LRRC23: variants seen among roughly 807,000 people sequenced by gnomAD.
LRRC23 encodes the protein leucine-rich repeat-containing protein 23.
A neutral mutation model predicts 37.7 loss-of-function variants in LRRC23; 28 were observed. The ratio of observed to expected loss-of-function variants is 0.74; its 90% confidence interval spans 0.55 to 1.02. The LOEUF (loss-of-function observed/expected upper bound fraction) is 1.02. LRRC23 is among the 50% of genes least tolerant of loss of function. LRRC23 has a pLI of 0.00. For missense variants in LRRC23, 377 were observed against 413.2 expected (o/e 0.91, Z 0.76); for synonymous variants, 161 against 165.4 (o/e 0.97, Z 0.20).
chr12:6,912,406 A>G (rs1488249044), intron 6 of LRRC23, among the ~76,000 whole-genome samples: 3 of 152,102 alleles, frequency 2.0e-5, no homozygotes, highest in Non-Finnish European at 4.4e-5. Context: ...TGATCACAGA[A>G]AATGTCTCTC....
chr12:6,914,102 G>A lies in LRRC23; in HGVS notation c.*236G>A, dbSNP rs1945258970. On this transcript the variant is annotated 3_prime_UTR_variant, in exon 8 of 8. Coordinates refer to ENST00000443597, the MANE Select transcript of LRRC23 (RefSeq NM_001135217.2). The surrounding 1 kb of genome is among the most constrained non-coding windows in gnomAD (Gnocchi z 7.1). ...AGCGTTGCCTGGAGCCTAGGCCGGGGGCCGCCCTCGGGCAGGCGTGGGTGA... is the reference window on the plus strand; with the variant it reads ...AGCGTTGCCTGGAGCCTAGGCCGGGAGCCGCCCTCGGGCAGGCGTGGGTGA... The A allele has an allele frequency of 5.3e-6, 8 of 1,515,630 alleles. No individual in the cohort carries two copies. The highest frequency in any genetic ancestry group is 1.3e-5 in the South Asian group (1 of 75,020). 93.9% of individuals were successfully genotyped at this position (1,515,630 alleles called of 1,614,324 possible).
At chr12:6,909,078 A>AATTTT (rs1565553339) in intron 5 of LRRC23, among the ~76,000 whole-genome samples, 4 of 43,358 alleles carry the variant, frequency 9.2e-5, no homozygotes, top group Admixed American at 4.0e-4. Flanking sequence ...TATATTATAT[A>AATTTT]TTATATAATT....
chr12:6,913,562 T>G lies in LRRC23; in HGVS notation c.*25-329T>G, dbSNP rs1427330527. Among the ~76,000 whole-genome samples, 4 of 111,242 alleles carry G rather than the reference T, an allele frequency of 3.6e-5. 1 individual carries two copies. The highest frequency in any genetic ancestry group is 3.1e-4 in the South Asian group (1 of 3,258). 73.0% of individuals were successfully genotyped at this position (111,242 alleles called of 152,430 possible). A position where few individuals can be genotyped will look rare whatever the true frequency, so the allele number is the denominator to read the frequency against. On this transcript the variant is annotated intron_variant, in intron 7 of 7. Transcript: ENST00000443597. ...CTTTATTTACCTCTGTTTGTTTTTT[T>G]TTTTTTTTTTTTTTTTTTTTTGCGA...
chr12:6,906,332 C>T (rs1944946865), intron 3 of LRRC23, 77 bp from the exon 4 acceptor site: 1 of 1,429,550 alleles, frequency 7.0e-7, no homozygotes. Context: ...ATATTGCCTT[C>T]TGCTTTAGCA....
At chr12:6,908,387 C>T (rs979241544) in intron 5 of LRRC23, among the ~76,000 whole-genome samples, 3 of 151,396 alleles carry the variant, frequency 2.0e-5, no homozygotes, top group Admixed American at 2.0e-4. Context: ...ACCTGAGGTC[C>T]GGAGTTCGAA....
At position 6,909,143 on chromosome 12, in the gene LRRC23, T is replaced by A. The variant is rs1353376550; in HGVS notation, c.622-747T>A. ...TAATATATAATATATAATTATATATTATATATTATATATTATATATAAAAT... is the reference window on the plus strand; with the variant it reads ...TAATATATAATATATAATTATATATAATATATTATATATTATATATAAAAT... On this transcript the variant is annotated intron_variant, in intron 5 of 7. Coordinates refer to ENST00000443597, the MANE Select transcript of LRRC23 (RefSeq NM_001135217.2). Among the ~76,000 whole-genome samples the A allele has an allele frequency of 5.6e-4, 8 of 14,404 alleles. 1 individual carries two copies. The highest frequency in any genetic ancestry group is 1.6e-3 in the Admixed American group (1 of 644). 9.4% of individuals were successfully genotyped at this position (14,404 alleles called of 152,430 possible). A position where few individuals can be genotyped will look rare whatever the true frequency, so the allele number is the denominator to read the frequency against.
At chr12:6,905,130 A>C (rs1344787969) in intron 1 of LRRC23, 55 bp downstream of exon 1, 1 of 161,884 alleles carries the variant, frequency 6.2e-6, no homozygotes, top group Non-Finnish European at 1.4e-5. Context: ...ACTGCGCTTT[A>C]GGCTGGTGTA....
chr12:6,913,980 C>T lies in LRRC23; in HGVS notation c.*114C>T, dbSNP rs1555141210. The T allele has an allele frequency of 1.2e-6, 2 of 1,613,766 alleles. No homozygotes were observed. The highest frequency in any genetic ancestry group is 2.7e-5 in the African/African-American group (2 of 74,970). On this transcript the variant is annotated 3_prime_UTR_variant, in exon 8 of 8. Coordinates refer to ENST00000443597, the MANE Select transcript of LRRC23 (RefSeq NM_001135217.2). ...AGAGAACAGAGGATGCCTGTTTTTGCCCCAAAGCTGGAAATTCATCACAAC... is the reference window on the plus strand; with the variant it reads ...AGAGAACAGAGGATGCCTGTTTTTGTCCCAAAGCTGGAAATTCATCACAAC...
Position 6,905,382 on chromosome 12 carries a change from G to T in LRRC23, c.-49-203G>T, listed in dbSNP as rs782104076. 5.1e-4 allele frequency: 193 copies of T among 382,020 alleles called. 3 individuals are homozygous for T. Among genetic ancestry groups the T allele is most frequent in the South Asian group, 3.4e-3 (148 of 43,540 alleles). The allele number at this position is 382,020 out of a possible 1,614,324, so 23.7% of individuals were successfully genotyped here. A position where few individuals can be genotyped will look rare whatever the true frequency, so the allele number is the denominator to read the frequency against. On this transcript the variant is annotated intron_variant, in intron 1 of 7. Coordinates refer to ENST00000443597, the MANE Select transcript of LRRC23 (RefSeq NM_001135217.2). Reference sequence around the variant, plus strand: ...TGTGAAGGACAGGAAAGGCCTGGGGGTGTGGGTGACATCCTGAAGGGAGGG... The same window carrying T: ...TGTGAAGGACAGGAAAGGCCTGGGGTTGTGGGTGACATCCTGAAGGGAGGG...
rs1555139373 is a variant in LRRC23, at chr12:6,905,718, G to T, written c.85G>T (p.Gly29Trp). The change falls in exon 2 of 8, where the codon GGG becomes TGG. Residue 29 changes from glycine (G) to tryptophan (W), a missense_variant. This residue lies in a region of LRRC23 where 106 missense variants were observed against 105.9 expected (regional missense o/e 1.00). Coordinates refer to ENST00000443597, the MANE Select transcript of LRRC23 (RefSeq NM_001135217.2). ...AGAGGACGAGAAGGAGACAGAGGAG[G>T]GGGAGGACTACAGAAAAGAGGGGGA... ...KEEDEKETEE[G>W]EDYRKEGEEF... 1.9e-6 allele frequency: 3 copies of T among 1,613,618 alleles called. No individual in the cohort carries two copies. The Admixed American group carries it at 5.0e-5, about 27-fold the overall frequency.
chr12:6,911,455 G>A (rs1837467438), intron 6 of LRRC23, among the ~76,000 whole-genome samples: 1 of 152,096 alleles, frequency 6.6e-6, no homozygotes, highest in Non-Finnish European at 1.5e-5. Flanking sequence ...AGGCATGATG[G>A]ACCCTTCCTG....
intron 7 of LRRC23, 43 bp from the exon 8 acceptor site, chr12:6,913,848 C>G (rs542714841): frequency 1.4e-6 from 2 of 1,456,742 alleles, no homozygotes; most frequent in Non-Finnish European, 1.8e-6. Flanking sequence ...CAGGGGTGAG[C>G]CACAGCGCCT....
chr12:6,912,470 T>C (rs1945183158), intron 6 of LRRC23, among the ~76,000 whole-genome samples: 1 of 152,152 alleles, frequency 6.6e-6, no homozygotes, highest in Non-Finnish European at 1.5e-5. Flanking sequence ...GGTTGTGGCC[T>C]AGCTTTGCTG....
rs1012933857 is a variant in LRRC23, at chr12:6,913,776, G to A, written c.*25-115G>A. Reference sequence around the variant, plus strand: ...AACGGGGTTTCACCACGTTAGCCAGGATGGTCTGGATCTCCTGACCTCGTG... The same window carrying A: ...AACGGGGTTTCACCACGTTAGCCAGAATGGTCTGGATCTCCTGACCTCGTG... On this transcript the variant is annotated intron_variant, in intron 7 of 7. Transcript: ENST00000443597. 1.6e-4 allele frequency: 113 copies of A among 717,970 alleles called. 2 individuals are homozygous for A. Among genetic ancestry groups the A allele is most frequent in the Middle Eastern group, 3.8e-4 (1 of 2,604 alleles). 44.5% of individuals were successfully genotyped at this position (717,970 alleles called of 1,614,324 possible). A position where few individuals can be genotyped will look rare whatever the true frequency, so the allele number is the denominator to read the frequency against.
Position 6,910,702 on chromosome 12 carries a change from T to G in LRRC23, c.758+676T>G, listed in dbSNP as rs146443817. ...CAGCCTGGGTGACAGAGCCAGACCCTGCCTCAAAAACAAAACAAAAATAAA... is the reference window on the plus strand; with the variant it reads ...CAGCCTGGGTGACAGAGCCAGACCCGGCCTCAAAAACAAAACAAAAATAAA... On this transcript the variant is annotated intron_variant, in intron 6 of 7. Coordinates refer to ENST00000443597, the MANE Select transcript of LRRC23 (RefSeq NM_001135217.2). Among the ~76,000 whole-genome samples the G allele has an allele frequency of 3.6e-3, 547 of 150,322 alleles. 3 individuals carry two copies. Among genetic ancestry groups the G allele is most frequent in the African/African-American group, 0.013 (527 of 40,848 alleles).
chr12:6,910,107 A>C, intron 6 of LRRC23, 81 bp downstream of exon 6: 1 of 1,359,958 alleles, frequency 7.4e-7, no homozygotes, highest in African/African-American at 1.5e-5. Context: ...CCCTGGCCCA[A>C]TCCCCCAGTC....
Position 6,909,870 on chromosome 12 carries a change from A to C in LRRC23, c.622-20A>C, listed in dbSNP as rs781967755. 19 of 1,602,768 alleles carry C rather than the reference A, an allele frequency of 1.2e-5. No individual in the cohort carries two copies. The South Asian group carries it at 2.0e-4, about 17-fold the overall frequency. ...ATCCCTGCTCCCTCTCAATCAATCC[A>C]CTGTGCCCTGGGGGTCTAGGCCCAA... is the stretch of plus-strand genomic sequence containing the variant. On this transcript the variant is annotated intron_variant, in intron 5 of 7. Transcript: ENST00000443597.
In LRRC23 at chr12:6,911,395, G is replaced by A. The variant is rs146664133; in HGVS notation, c.759-1335G>A. ...CTCTTATTCATGAACTCTGCCACAC[G>A]GATCTGGTGGGGTGTGTATCTGTGC... is the stretch of plus-strand genomic sequence containing the variant. On this transcript the variant is annotated intron_variant, in intron 6 of 7. Transcript: ENST00000443597. 3.4e-3 allele frequency among the ~76,000 whole-genome samples: 515 copies of A among 152,228 alleles called. 3 individuals carry two copies. Among genetic ancestry groups the A allele is most frequent in the African/African-American group, 0.012 (495 of 41,506 alleles).
At chr12:6,906,918 A>C (rs1268839885) in intron 4 of LRRC23, among the ~76,000 whole-genome samples, 2 of 152,252 alleles carry the variant, frequency 1.3e-5, no homozygotes, top group Non-Finnish European at 2.9e-5. Flanking sequence ...CAGTAAGTAC[A>C]TTCATGTAGC....
Sources: allele counts gnomAD v4.1 joint callset (sites outside exome capture counted in the v4.1 genomes callset), GRCh38; gene constraint gnomAD v4.1.1; regional missense constraint gnomAD v4.1.1; non-coding constraint Gnocchi (gnomAD v3.1); transcripts MANE v1.5; gene names NCBI Gene and HGNC (gene_info 2026-07-23, HGNC 2026-07-21).